Variants in TMEM132D observed in about 807,000 individuals in gnomAD.
The protein encoded by TMEM132D is mature OL transmembrane protein.
A neutral mutation model predicts 62.3 loss-of-function variants in TMEM132D; 21 were observed. The ratio of observed to expected loss-of-function variants is 0.34; its 90% CI spans 0.24 to 0.49. The LOEUF is 0.49. TMEM132D is among the 20% of genes least tolerant of loss of function. The probability of loss-of-function intolerance (pLI) is 0.99; values close to 1 mark genes in which losing one functional copy is unlikely to be tolerated. For synonymous variants in TMEM132D, 621 were observed against 575.6 expected, an observed-to-expected ratio of 1.08 and a Z score of -1.13; for missense variants, 1,346 against 1,402.8, an observed-to-expected ratio of 0.96 and a Z score of 0.65.
rs376144671 is a variant in TMEM132D, at chr12:129,088,687, T to C, written c.1444-3985A>G. On this transcript the variant is annotated intron_variant, in intron 5 of 8. Coordinates refer to ENST00000422113, the MANE Select transcript of TMEM132D (RefSeq NM_133448.3). ...TGTCCTCCCTGACCGGGGTGTCCTC[T>C]ATGACCGGGTGTCCTCCCTGACCGG... is the stretch of plus-strand genomic sequence containing the variant. 5.0e-4 allele frequency among the ~76,000 whole-genome samples: 11 copies of C among 22,140 alleles called. 1 individual carries two copies. Among genetic ancestry groups the C allele is most frequent in the South Asian group, 1.8e-3 (1 of 542 alleles). The allele number at this position is 22,140 out of a possible 152,430, so 14.5% of individuals were successfully genotyped here.
In TMEM132D at chr12:129,081,951, C is replaced by T. The variant is rs1316946455; in HGVS notation, c.1731G>A (p.Val577=). The T allele has an allele frequency of 6.2e-7, 1 of 1,613,946 alleles. No individual in the cohort carries two copies. Among genetic ancestry groups the T allele is most frequent in the Non-Finnish European group, 8.5e-7 (1 of 1,180,044 alleles). The change falls in exon 7 of 9, where the codon GTG becomes GTA. Residue 577 remains valine, a synonymous_variant. Coordinates refer to ENST00000422113, the MANE Select transcript of TMEM132D (RefSeq NM_133448.3). The part of the protein sequence containing the change: ...GCTLQYQHAM[V]RVLTQFVAEA... Reference sequence around the variant, plus strand: ...CAGCCACAAACTGCGTCAGGACCCGCACCATGGCGTGCTGGTACTGCAGGG... The same window carrying T: ...CAGCCACAAACTGCGTCAGGACCCGTACCATGGCGTGCTGGTACTGCAGGG...
At chr12:129,466,024 C>T (rs1002006305) in intron 3 of TMEM132D, among the ~76,000 whole-genome samples, 3 of 152,148 alleles carry the variant, frequency 2.0e-5, no homozygotes, top group Non-Finnish European at 2.9e-5. Flanking sequence ...ATAATATCTA[C>T]GGCACAGGAT....
chr12:129,757,828 C>T (rs1216596385), intron 1 of TMEM132D, among the ~76,000 whole-genome samples: 1 of 152,176 alleles, frequency 6.6e-6, no homozygotes, highest in Non-Finnish European at 1.5e-5. Flanking sequence ...CAAAATGTGT[C>T]CACCCAGAAC....
chr12:129,727,709 G>A (rs1032191000), intron 1 of TMEM132D, among the ~76,000 whole-genome samples: 2 of 152,018 alleles, frequency 1.3e-5, no homozygotes, highest in Non-Finnish European at 2.9e-5. Flanking sequence ...ATTTTCTTCC[G>A]AGGTGATTTA....
chr12:129,582,593 T>C (rs528098940), intron 2 of TMEM132D, among the ~76,000 whole-genome samples: 5 of 150,974 alleles, frequency 3.3e-5, no homozygotes, highest in African/African-American at 1.2e-4. Context: ...TTGAACTACT[T>C]GTAAGACGTG....
At chr12:129,262,710 C>G (rs1385632396) in intron 4 of TMEM132D, 1 of 152,222 alleles carries the variant, frequency 6.6e-6, no homozygotes, top group Non-Finnish European at 1.5e-5. Context: ...ACCCTAGAGT[C>G]TCCAGTTTGT....
intron 4 of TMEM132D, among the ~76,000 whole-genome samples, chr12:129,323,912 A>T (rs201938721): frequency 2.0e-5 from 3 of 150,216 alleles, no homozygotes; most frequent in Non-Finnish European, 3.0e-5. Flanking sequence ...AGTAGGTTTT[A>T]TTTTTTTTTT....
chr12:129,697,289 T>C (rs1881232022), intron 2 of TMEM132D, among the ~76,000 whole-genome samples: 1 of 152,204 alleles, frequency 6.6e-6, no homozygotes, highest in Admixed American at 6.5e-5. Flanking sequence ...CGCACACCAA[T>C]TCTAAATATT....
chr12:129,207,575 G>T (rs916874383), intron 5 of TMEM132D, among the ~76,000 whole-genome samples: 1 of 152,152 alleles, frequency 6.6e-6, no homozygotes, highest in South Asian at 2.1e-4. Flanking sequence ...TAAAGGCAGA[G>T]GGAGGAGAGG....
At position 129,347,162 on chromosome 12, in the gene TMEM132D, C is replaced by T. The variant is rs139786774; in HGVS notation, c.1116-9345G>A. Among the ~76,000 whole-genome samples the T allele has an allele frequency of 5.9e-3, 904 of 152,198 alleles. 3 individuals are homozygous for T. The highest frequency in any genetic ancestry group is 9.6e-3 in the Non-Finnish European group (653 of 68,016). ...GTAATTTACAGATTCAATGCTATCC[C>T]CATCAAGCTACCATTGACTTTCTTC... On this transcript the variant is annotated intron_variant, in intron 3 of 8. Coordinates refer to ENST00000422113, the MANE Select transcript of TMEM132D (RefSeq NM_133448.3).
At chr12:129,548,703 C>G (rs937916144) in intron 2 of TMEM132D, among the ~76,000 whole-genome samples, 1 of 52,510 alleles carries the variant, frequency 1.9e-5, no homozygotes, top group African/African-American at 7.0e-5. Flanking sequence ...TGTGACCTCA[C>G]CTAACATCAA....
At chr12:129,495,830 G>T (rs1215277225) in intron 3 of TMEM132D, among the ~76,000 whole-genome samples, 1 of 152,174 alleles carries the variant, frequency 6.6e-6, no homozygotes, top group African/African-American at 2.4e-5. Context: ...TTCCTGGAGG[G>T]GAGGGCTGGG....
rs74433251 is a variant in TMEM132D at position 129,607,643 on chromosome 12, T to A, written c.969-76438A>T. Among the ~76,000 whole-genome samples, 1,328 of 152,322 alleles carry A rather than the reference T, an allele frequency of 8.7e-3. 21 individuals carry two copies. Among genetic ancestry groups the A allele is most frequent in the East Asian group, 0.055 (285 of 5,182 alleles). ...GACAAAGGGCCAAGCCTTTTTCTGG[T>A]GCAGTTAACCCTTGACTGCACACAC... On this transcript the variant is annotated intron_variant, in intron 2 of 8. Transcript: ENST00000422113.
rs570631486 is a variant in TMEM132D at position 129,765,955 on chromosome 12, A to T, written c.80-65257T>A. Among the ~76,000 whole-genome samples, 316 of 152,208 alleles carry T rather than the reference A, an allele frequency of 2.1e-3. 1 individual carries two copies. Among genetic ancestry groups the T allele is most frequent in the African/African-American group, 7.2e-3 (298 of 41,524 alleles). ...GTGTCTGCTTTCTGTTCCTTCTGGG[A>T]ACATGGTAGAACTGCACTTCCTGAT... On this transcript the variant is annotated intron_variant, in intron 1 of 8. Coordinates refer to ENST00000422113, the MANE Select transcript of TMEM132D (RefSeq NM_133448.3).
chr12:129,552,276 C>T (rs1033679928), intron 2 of TMEM132D, among the ~76,000 whole-genome samples: 3 of 151,888 alleles, frequency 2.0e-5, no homozygotes, highest in African/African-American at 7.3e-5. Context: ...AACATATTGT[C>T]TACCTATGCA....
Position 129,484,545 on chromosome 12 carries a change from G to A in TMEM132D, c.1115+46514C>T, listed in dbSNP as rs143520835. Among the ~76,000 whole-genome samples the A allele has an allele frequency of 4.2e-3, 645 of 152,320 alleles. 2 individuals carry two copies. The highest frequency in any genetic ancestry group is 6.4e-3 in the Non-Finnish European group (437 of 68,020). ...ACCCAGCTCTCCATGGATTTGACAA[G>A]TGCCATATTTACTTTATCAGTGGTG... On this transcript the variant is annotated intron_variant, in intron 3 of 8. Coordinates refer to ENST00000422113, the MANE Select transcript of TMEM132D (RefSeq NM_133448.3).
chr12:129,168,683 G>A lies in TMEM132D; in HGVS notation c.1443+40837C>T, dbSNP rs535249285. Among the ~76,000 whole-genome samples, 17 of 152,236 alleles carry A rather than the reference G, an allele frequency of 1.1e-4. No homozygotes were observed. The South Asian group carries it at 1.2e-3, about 11-fold the overall frequency. ...TTAAGGTTGGATAATTCTATGTTTC[G>A]TGGGGCTGTCCTATGAGTCATAGGC... On this transcript the variant is annotated intron_variant, in intron 5 of 8. Coordinates refer to ENST00000422113, the MANE Select transcript of TMEM132D (RefSeq NM_133448.3).
intron 1 of TMEM132D, among the ~76,000 whole-genome samples, chr12:129,902,613 T>C (rs928822394): frequency 6.6e-6 from 1 of 152,150 alleles, no homozygotes; most frequent in African/African-American, 2.4e-5. Context: ...TCACAACTTG[T>C]AGCTGAAACT....
Position 129,601,191 on chromosome 12 carries a change from T to A in TMEM132D, c.969-69986A>T, listed in dbSNP as rs75637781. ...TTTATGTCATAGAGATGGCATCTTT[T>A]CTTAAATCTCATGAAACAACCTCTG... On this transcript the variant is annotated intron_variant, in intron 2 of 8. Coordinates refer to ENST00000422113, the MANE Select transcript of TMEM132D (RefSeq NM_133448.3). Among the ~76,000 whole-genome samples the A allele has an allele frequency of 8.7e-3, 1,327 of 152,328 alleles. 13 individuals are homozygous for A. Among genetic ancestry groups the A allele is most frequent in the African/African-American group, 0.029 (1,219 of 41,576 alleles).
Sources: allele counts gnomAD v4.1 joint callset (sites outside exome capture counted in the v4.1 genomes callset), GRCh38; gene constraint gnomAD v4.1.1; transcripts MANE v1.5; gene names NCBI Gene and HGNC (gene_info 2026-07-23, HGNC 2026-07-21).